The following CCDC85C variants were observed in gnomAD, a reference collection of about 807,000 sequenced individuals.
The protein encoded by CCDC85C is coiled-coil domain containing 85C.
CCDC85C carries 18 observed loss-of-function variants against 38.3 expected under a neutral mutation model. The ratio of observed to expected loss-of-function variants is 0.47; its 90% CI spans 0.33 to 0.70. The LOEUF is 0.70. Ranked by LOEUF, CCDC85C falls within the 30% of genes least tolerant of loss-of-function variation. The probability of loss-of-function intolerance (pLI) is 0.03; values close to 1 mark genes in which losing one functional copy is unlikely to be tolerated. For missense variants in CCDC85C, 566 were observed against 621.2 expected (o/e 0.91, Z 0.94); for synonymous variants, 264 against 293.8 (o/e 0.90, Z 1.04).
chr14:99,573,076 T>G (rs1898389789), intron 1 of CCDC85C: 1 of 324,898 alleles, frequency 3.1e-6, no homozygotes, highest in Non-Finnish European at 6.1e-6. Flanking sequence ...AAGTGAAGCC[T>G]AAGCTGTTTC....
At chr14:99,526,730 G>C (rs1013418899) in intron 2 of CCDC85C, among the ~76,000 whole-genome samples, 13 of 152,234 alleles carry the variant, frequency 8.5e-5, no homozygotes, top group Admixed American at 2.0e-4. Context: ...TCTGGGTGCC[G>C]AGTAATAAAC....
rs1228838220 is a variant in CCDC85C, at chr14:99,545,125, G to C, written c.794-9037C>G. Among the ~76,000 whole-genome samples, 1 of 152,180 alleles carries C rather than the reference G, an allele frequency of 6.6e-6. No individual in the cohort carries two copies. Among genetic ancestry groups the C allele is most frequent in the Non-Finnish European group, 1.5e-5 (1 of 68,038 alleles). ...CTGGCCGGTCAGCCTTCCCCAGTGA[G>C]TGCACGCCTGTCCTCTCAGTGTCAT... On this transcript the variant is annotated intron_variant, in intron 1 of 5. Coordinates refer to ENST00000380243, the MANE Select transcript of CCDC85C (RefSeq NM_001144995.2). This position sits in a 1 kb window ranked among gnomAD's most constrained non-coding sequence, Gnocchi z 4.7.
At position 99,502,839 on chromosome 14, in the gene CCDC85C, A is replaced by G; in HGVS notation, c.*12407T>C. 3 of 1,613,614 alleles carry G rather than the reference A, an allele frequency of 1.9e-6. No individual in the cohort carries two copies. Among genetic ancestry groups the G allele is most frequent in the Admixed American group, 3.3e-5 (2 of 59,990 alleles). ...CCTACACCACAAGTGCCGCAAGTAC[A>G]GCAGTCACAGCCGTCTCAAAGCTCC... On this transcript the variant is annotated 3_prime_UTR_variant, in exon 6 of 6. Transcript: ENST00000380243.
chr14:99,510,500 GCCT>G lies in CCDC85C; in HGVS notation c.*4743_*4745del, dbSNP rs1897101384. On this transcript the variant is annotated 3_prime_UTR_variant, in exon 6 of 6. Transcript: ENST00000380243. ...CGCCCAACCCGCCCCCGCCACCTGT[GCCT>G]CCTCCCCCAGCCTCCTTCCCCCCAC... 4 of 625,564 alleles carry G rather than the reference GCCT, an allele frequency of 6.4e-6. No individual in the cohort carries two copies. Among genetic ancestry groups the G allele is most frequent in the Non-Finnish European group, 4.5e-6 (2 of 445,666 alleles). 38.8% of individuals were successfully genotyped at this position (625,564 alleles called of 1,614,324 possible). A position where few individuals can be genotyped will look rare whatever the true frequency, so the allele number is the denominator to read the frequency against.
At chr14:99,584,823 T>C (rs2055010271) in intron 1 of CCDC85C, among the ~76,000 whole-genome samples, 1 of 152,224 alleles carries the variant, frequency 6.6e-6, no homozygotes, top group African/African-American at 2.4e-5. Flanking sequence ...CTGGGCGCAG[T>C]GGACGCTGTA....
chr14:99,509,787 C>A lies in CCDC85C; in HGVS notation c.*5459G>T, dbSNP rs1343980349. 6.6e-6 allele frequency: 2 copies of A among 304,592 alleles called. No homozygotes were observed. Among genetic ancestry groups the A allele is most frequent in the African/African-American group, 2.2e-5 (1 of 45,670 alleles). The allele number at this position is 304,592 out of a possible 1,614,324, so 18.9% of individuals were successfully genotyped here. A position where few individuals can be genotyped will look rare whatever the true frequency, so the allele number is the denominator to read the frequency against. ...AGACAGGAGTTCAGTGTGGCCCTGA[C>A]CCCTGGGGTCAGTTTCTGAAGGCAG... On this transcript the variant is annotated 3_prime_UTR_variant, in exon 6 of 6. Coordinates refer to ENST00000380243, the MANE Select transcript of CCDC85C (RefSeq NM_001144995.2).
Position 99,517,123 on chromosome 14 carries a change from C to T in CCDC85C, c.1036G>A (p.Gly346Arg), listed in dbSNP as rs1897238493. 1.9e-6 allele frequency: 3 copies of T among 1,550,462 alleles called. No homozygotes were observed. Among genetic ancestry groups the T allele is most frequent in the Non-Finnish European group, 2.6e-6 (3 of 1,146,888 alleles). ...SPPSAGYSPAGQKPEAVVHAM... is the reference protein window; with the variant it reads ...SPPSAGYSPARQKPEAVVHAM... ...TGCACGACAGCCTCGGGCTTCTGTCCTGCAGGGCTGTAGCCAGCAGAGGGG... is the reference window on the plus strand; with the variant it reads ...TGCACGACAGCCTCGGGCTTCTGTCTTGCAGGGCTGTAGCCAGCAGAGGGG... Residue 346 changes from glycine to arginine, a missense_variant, in exon 4 of 6, where the codon GGA becomes AGA. By Grantham distance (125) the Gly-to-Arg change is moderately radical. This residue lies in a region of CCDC85C where 286 missense variants were observed against 276.4 expected (regional missense o/e 1.03). Transcript: ENST00000380243.
At chr14:99,525,710 C>T (rs147550417) in intron 2 of CCDC85C, among the ~76,000 whole-genome samples, 1 of 152,314 alleles carries the variant, frequency 6.6e-6, no homozygotes, top group Non-Finnish European at 1.5e-5. Flanking sequence ...GAGGGGGTGC[C>T]CTGTGTCCCC....
In CCDC85C at chr14:99,500,929, G is replaced by C; in HGVS notation, c.*14317C>G. The stretch of plus-strand genomic sequence containing the variant: ...TTCTGAAATCAAGTCTTTATAATTT[G>C]ATGACACTCAAATTACGCTTCTCAA... On this transcript the variant is annotated 3_prime_UTR_variant, in exon 6 of 6. Coordinates refer to ENST00000380243, the MANE Select transcript of CCDC85C (RefSeq NM_001144995.2). The C allele has an allele frequency of 9.5e-7, 1 of 1,049,890 alleles. No individual in the cohort carries two copies. The highest frequency in any genetic ancestry group is 1.5e-5 in the South Asian group (1 of 68,784). 65.0% of individuals were successfully genotyped at this position (1,049,890 alleles called of 1,614,324 possible).
chr14:99,530,069 G>C (rs894991223), intron 2 of CCDC85C, among the ~76,000 whole-genome samples: 1 of 152,184 alleles, frequency 6.6e-6, no homozygotes, highest in Non-Finnish European at 1.5e-5. Flanking sequence ...AGGCCCTCTG[G>C]CACTGGCATC....
At chr14:99,582,211 A>T (rs1230061827) in intron 1 of CCDC85C, among the ~76,000 whole-genome samples, 1 of 152,066 alleles carries the variant, frequency 6.6e-6, no homozygotes, top group East Asian at 1.9e-4. Context: ...CACTGTCAGA[A>T]AGGGGTAGGC....
Position 99,535,858 on chromosome 14 carries a change from G to T in CCDC85C, c.867+157C>A, listed in dbSNP as rs969867015. Among the ~76,000 whole-genome samples the T allele has an allele frequency of 3.3e-5, 5 of 152,156 alleles. No individual in the cohort carries two copies. The highest frequency in any genetic ancestry group is 7.4e-5 in the Non-Finnish European group (5 of 68,026). ...GAAGCCCAGAGGTGTGGGAGCCAGG[G>T]TTAGGTCCCTGACCCCACTTTCCAG... On this transcript the variant is annotated intron_variant, in intron 2 of 5. Transcript: ENST00000380243. This position sits in a 1 kb window ranked among gnomAD's most constrained non-coding sequence, Gnocchi z 5.5.
chr14:99,599,208 G>A (rs2055174440), intron 1 of CCDC85C, among the ~76,000 whole-genome samples: 1 of 152,072 alleles, frequency 6.6e-6, no homozygotes, highest in Non-Finnish European at 1.5e-5. Context: ...ACAAGCAGGA[G>A]AACAAACCTG....
Position 99,516,103 on chromosome 14 carries a change from A to G in CCDC85C, c.1170+85T>C. Reference sequence around the variant, plus strand: ...CTGAGCATTCGAGAAATGGAGTCCCACATGGGGAAGGGTATGGCCATGCTG... The same window carrying G: ...CTGAGCATTCGAGAAATGGAGTCCCGCATGGGGAAGGGTATGGCCATGCTG... On this transcript the variant is annotated intron_variant, in intron 5 of 5. Transcript: ENST00000380243. The surrounding 1 kb of genome is among the most constrained non-coding windows in gnomAD (Gnocchi z 5.5). The G allele has an allele frequency of 9.5e-7, 1 of 1,053,808 alleles. No homozygotes were observed. Among genetic ancestry groups the G allele is most frequent in the Non-Finnish European group, 1.4e-6 (1 of 699,890 alleles). 65.3% of individuals were successfully genotyped at this position (1,053,808 alleles called of 1,614,324 possible).
intron 1 of CCDC85C, among the ~76,000 whole-genome samples, chr14:99,562,232 C>T (rs1381713360): frequency 6.6e-6 from 1 of 152,192 alleles, no homozygotes; most frequent in African/African-American, 2.4e-5. Flanking sequence ...AACCCCCTGG[C>T]TACCTGGGGG....
intron 1 of CCDC85C, among the ~76,000 whole-genome samples, chr14:99,564,156 A>G (rs1418375081): frequency 6.6e-6 from 1 of 152,258 alleles, no homozygotes; most frequent in East Asian, 1.9e-4. Context: ...GGAAGAGAGC[A>G]CTGTCTCTCC....
chr14:99,589,340 GATTTT>G (rs939470076), intron 1 of CCDC85C, among the ~76,000 whole-genome samples: 11 of 152,180 alleles, frequency 7.2e-5, no homozygotes, highest in African/African-American at 2.4e-4. Context: ...AACGCTGTTG[GATTTT>G]ACTCGACTCT....
rs535251503 is a variant in CCDC85C at position 99,538,837 on chromosome 14, G to A, written c.794-2749C>T. 9.2e-5 allele frequency among the ~76,000 whole-genome samples: 14 copies of A among 152,304 alleles called. No individual in the cohort carries two copies. The East Asian group carries it at 1.2e-3, about 13-fold the overall frequency. ...GTGATCAGGCTGGCAGGTGGCATCC[G>A]GAGAAGGGATGCAGACAGGCCATCC... On this transcript the variant is annotated intron_variant, in intron 1 of 5. Coordinates refer to ENST00000380243, the MANE Select transcript of CCDC85C (RefSeq NM_001144995.2).
At position 99,504,616 on chromosome 14, in the gene CCDC85C, A is replaced by G. The variant is rs910202049; in HGVS notation, c.*10630T>C. 6.6e-6 allele frequency: 1 copy of G among 151,844 alleles called. No homozygotes were observed. The highest frequency in any genetic ancestry group is 6.6e-5 in the Admixed American group (1 of 15,250). 9.4% of individuals were successfully genotyped at this position (151,844 alleles called of 1,614,324 possible). On this transcript the variant is annotated 3_prime_UTR_variant, in exon 6 of 6. Coordinates refer to ENST00000380243, the MANE Select transcript of CCDC85C (RefSeq NM_001144995.2). The stretch of plus-strand genomic sequence containing the variant: ...CAGGCATGCACCACCAGGCCTGGCT[A>G]ATTTTGTATTTTTAGTAGAGACAGG...
Sources: gnomAD v4.1 joint callset for allele counts (sites outside exome capture counted in the v4.1 genomes callset) on GRCh38, gnomAD v4.1.1 for gene constraint, gnomAD v4.1.1 regional missense constraint, Gnocchi (gnomAD v3.1) non-coding constraint, MANE v1.5 for transcripts, NCBI Gene and HGNC (gene_info 2026-07-23, HGNC 2026-07-21) for gene names.